The following ZNF839 variants were observed in gnomAD, a reference collection of about 807,000 sequenced individuals.
ZNF839 encodes the protein zinc finger protein 839, also known as renal carcinoma antigen NY-REN-50.
In ZNF839, 38 loss-of-function variants were observed where a neutral mutation model predicts 56.4. The observed-to-expected ratio is 0.67, with a 90% CI of 0.52 to 0.88. The LOEUF is 0.88. ZNF839 is among the 40% of genes least tolerant of loss of function. ZNF839 has a pLI of 0.00. For synonymous variants in ZNF839, 486 were observed against 493.5 expected (o/e 0.98, Z 0.20); for missense variants, 1,091 against 1,177.6 (o/e 0.93, Z 1.08).
Position 102,319,755 on chromosome 14 carries a change from C to A in ZNF839, c.-11C>A, listed in dbSNP as rs984138503. The A allele has an allele frequency of 5.5e-5, 68 of 1,229,358 alleles. No homozygotes were observed. Among genetic ancestry groups the A allele is most frequent in the Non-Finnish European group, 6.5e-5 (64 of 986,124 alleles). The allele number at this position is 1,229,358 out of a possible 1,614,324, so 76.2% of individuals were successfully genotyped here. A position where few individuals can be genotyped will look rare whatever the true frequency, so the allele number is the denominator to read the frequency against. ...TCAGCGACCCGGGTTCGAGTCCCCGCCTCGGCCGCCATGGCGGATGCGGAG... is the reference window on the plus strand; with the variant it reads ...TCAGCGACCCGGGTTCGAGTCCCCGACTCGGCCGCCATGGCGGATGCGGAG... On this transcript the variant is annotated 5_prime_UTR_variant, in exon 1 of 8. Transcript: ENST00000442396. The surrounding 1 kb of genome is among the most constrained non-coding windows in gnomAD (Gnocchi z 4.5).
rs149544100 is a variant in ZNF839 at position 102,320,378 on chromosome 14, C to G, written c.288+325C>G. Among the ~76,000 whole-genome samples, 15 of 152,296 alleles carry G rather than the reference C, an allele frequency of 9.8e-5. No individual in the cohort carries two copies. In the East Asian group the frequency reaches 2.5e-3, roughly 25 times the overall value. On this transcript the variant is annotated intron_variant, in intron 1 of 7. Coordinates refer to ENST00000442396, the MANE Select transcript of ZNF839 (RefSeq NM_018335.6). ...ACAGGCCTTTCACCGCTGGTTCAGC[C>G]TTTGTGGAGCACTTAGAGACCGTGT...
chr14:102,335,714 C>CT lies in ZNF839; in HGVS notation c.1541dup (p.Ala516SerfsTer4), dbSNP rs760216872. On this transcript the variant is annotated frameshift_variant, in exon 5 of 8. Coordinates refer to ENST00000442396, the MANE Select transcript of ZNF839 (RefSeq NM_018335.6). LOFTEE classifies it high-confidence loss of function. ...GTTGAAAAAGATCATCTAGCAAAGC[C>CT]TTTTTTCCCAGCTATATATAAGGAA... 1.3e-6 allele frequency: 2 copies of CT among 1,597,190 alleles called. No homozygotes were observed. The highest frequency in any genetic ancestry group is 1.7e-6 in the Non-Finnish European group (2 of 1,178,866).
chr14:102,334,153 T>C (rs1348893225), intron 3 of ZNF839, among the ~76,000 whole-genome samples: 1 of 152,238 alleles, frequency 6.6e-6, no homozygotes, highest in Non-Finnish European at 1.5e-5. Context: ...AATCCAAACC[T>C]TGGCCCCTCT....
At chr14:102,333,302 A>C in intron 3 of ZNF839, among the ~76,000 whole-genome samples, 1 of 134,020 alleles carries the variant, frequency 7.5e-6, no homozygotes, top group East Asian at 2.1e-4. Context: ...TCATTCTGTC[A>C]CCCAGGAGCG....
chr14:102,342,197 G>A lies in ZNF839; in HGVS notation c.*18G>A. ...CCCGCTAGAAGGAGTTCCTCTAGAA[G>A]CTGTGGAGTCGGTCGTCACCGTGGA... On this transcript the variant is annotated 3_prime_UTR_variant, in exon 8 of 8. Transcript: ENST00000442396. 1 of 1,585,626 alleles carries A rather than the reference G, an allele frequency of 6.3e-7. No individual in the cohort carries two copies. The highest frequency in any genetic ancestry group is 1.1e-5 in the South Asian group (1 of 88,904).
chr14:102,326,551 A>C lies in ZNF839; in HGVS notation c.855A>C (p.Glu285Asp). 6.2e-7 allele frequency: 1 copy of C among 1,613,932 alleles called. No homozygotes were observed. The highest frequency in any genetic ancestry group is 8.5e-7 in the Non-Finnish European group (1 of 1,179,872). Residue 285 changes from glutamate (E) to aspartate (D), a missense_variant, in exon 2 of 8, where the codon GAA (glutamate) becomes GAC (aspartate). By Grantham distance (45) the Glu-to-Asp change is conservative (BLOSUM62 2). This residue lies in a region of ZNF839 where 614 missense variants were observed against 629.2 expected (regional missense o/e 0.98). Coordinates refer to ENST00000442396, the MANE Select transcript of ZNF839 (RefSeq NM_018335.6). This position sits in a 1 kb window ranked among gnomAD's most constrained non-coding sequence, Gnocchi z 4.3. ...TGTCAGATTCTGATGATTACTCAGA[A>C]CTCTGTGTGGAAGAAGATGAAGATC... ...GHLSDSDDYS[E>D]LCVEEDEDQR...
At position 102,341,487 on chromosome 14, in the gene ZNF839, C is replaced by A. The variant is rs35472059; in HGVS notation, c.2092C>A (p.Arg698=). 1 of 1,597,566 alleles carries A rather than the reference C, an allele frequency of 6.3e-7. No individual in the cohort carries two copies. Among genetic ancestry groups the A allele is most frequent in the African/African-American group, 1.3e-5 (1 of 74,644 alleles). ...RGSIGAALSS[R]DVSGLPVYAQ... The stretch of plus-strand genomic sequence containing the variant: ...GTCTATAGGTGCTGCTCTCTCATCC[C>A]GGGATGTCAGTGGGCTGCCTGTTTA... The change falls in exon 8 of 8, where the codon CGG becomes AGG. Residue 698 remains arginine, a synonymous_variant. Coordinates refer to ENST00000442396, the MANE Select transcript of ZNF839 (RefSeq NM_018335.6).
chr14:102,342,157 G>A lies in ZNF839; in HGVS notation c.2762G>A (p.Arg921His), dbSNP rs772490173. The change falls in exon 8 of 8, where the codon CGT becomes CAT. Residue 921 changes from arginine to histidine, a missense_variant. Transcript: ENST00000442396. The stretch of plus-strand genomic sequence containing the variant: ...GTCACAGTGACTGATGCAGAGGGGC[G>A]TGCCTGCGGATGGGCCCGCTAGAAG... ...DIVTVTDAEGRACGWAR is the reference protein window; with the variant it reads ...DIVTVTDAEGHACGWAR 2.7e-5 allele frequency: 43 copies of A among 1,609,630 alleles called. No homozygotes were observed. Among genetic ancestry groups the A allele is most frequent in the East Asian group, 8.9e-5 (4 of 44,764 alleles).
intron 2 of ZNF839, among the ~76,000 whole-genome samples, chr14:102,328,797 A>G (rs2139511047): frequency 6.6e-6 from 1 of 152,152 alleles, no homozygotes; most frequent in East Asian, 1.9e-4. Flanking sequence ...ATGTTGTAGT[A>G]AGTGTCAGAA....
Position 102,331,636 on chromosome 14 carries a change from A to G in ZNF839, c.1206A>G (p.Val402=), listed in dbSNP as rs778399303. ...ACACTGTCTAGAATGGTCAGTCTGT[A>G]GACGTTGAAGAGACATTGCCATCTG... ...ARGGLQNGQS[V]DVEETLPSEP... is the part of the protein sequence containing the mutation. Residue 402 remains valine, a synonymous_variant, in exon 3 of 8, where the codon GTA becomes GTG. Coordinates refer to ENST00000442396, the MANE Select transcript of ZNF839 (RefSeq NM_018335.6). 3 of 1,611,100 alleles carry G rather than the reference A, an allele frequency of 1.9e-6. No individual in the cohort carries two copies.
chr14:102,341,254 G>A, intron 7 of ZNF839, 69 bp from the exon 8 acceptor site: 1 of 1,432,762 alleles, frequency 7.0e-7, no homozygotes, highest in Non-Finnish European at 9.2e-7. Context: ...GCTGGTTTTG[G>A]GTGGTGAGTG....
chr14:102,320,093 AG>A lies in ZNF839; in HGVS notation c.288+45del, dbSNP rs532940527. 3.3e-3 allele frequency: 3,819 copies of A among 1,158,780 alleles called. 19 individuals carry two copies. The highest frequency in any genetic ancestry group is 7.4e-3 in the Admixed American group (157 of 21,304). 71.8% of individuals were successfully genotyped at this position (1,158,780 alleles called of 1,614,324 possible). ...GGGACGTGGGGAAACTGAGGCCCGA[AG>A]GGGGCCGACGCCCCGCGGCGGGGTA... On this transcript the variant is annotated intron_variant, in intron 1 of 7. Transcript: ENST00000442396.
chr14:102,328,375 A>AAATATATATATAT (rs1197718891), intron 2 of ZNF839, among the ~76,000 whole-genome samples: 4 of 16,342 alleles, frequency 2.4e-4, no homozygotes, highest in African/African-American at 4.9e-4. Context: ...AAAAAAAAAA[A>AAATATATATATAT]ATATATATAT....
At chr14:102,320,189 G>T in intron 1 of ZNF839, 136 bp downstream of exon 1, 1 of 1,045,334 alleles carries the variant, frequency 9.6e-7, no homozygotes, top group Non-Finnish European at 1.2e-6. Context: ...GAGCTTCTTA[G>T]GGACGGCGTT....
rs1407588130 is a variant in ZNF839 at position 102,342,163 on chromosome 14, G to A, written c.2768G>A (p.Cys923Tyr). 1 of 1,608,066 alleles carries A rather than the reference G, an allele frequency of 6.2e-7. No homozygotes were observed. ...GTGACTGATGCAGAGGGGCGTGCCTGCGGATGGGCCCGCTAGAAGGAGTTC... is the reference window on the plus strand; with the variant it reads ...GTGACTGATGCAGAGGGGCGTGCCTACGGATGGGCCCGCTAGAAGGAGTTC... ...VTVTDAEGRA[C>Y]GWAR Residue 923 changes from cysteine (C) to tyrosine (Y), a missense_variant, in exon 8 of 8, where the codon TGC becomes TAC. Transcript: ENST00000442396.
At chr14:102,338,172 A>G (rs186219342) in intron 5 of ZNF839, among the ~76,000 whole-genome samples, 1 of 152,354 alleles carries the variant, frequency 6.6e-6, no homozygotes, top group East Asian at 1.9e-4. Context: ...GTGGGAAAGA[A>G]AGTTACTATG....
chr14:102,334,712 T>TTCTAA, intron 4 of ZNF839, 66 bp downstream of exon 4: 1 of 848,740 alleles, frequency 1.2e-6, no homozygotes, highest in Non-Finnish European at 1.7e-6. Context: ...ATAATATTAT[T>TTCTAA]ATTTATTAAT....
chr14:102,334,435 T>C, intron 3 of ZNF839, 119 bp from the exon 4 acceptor site: 1 of 688,880 alleles, frequency 1.5e-6, no homozygotes, highest in Non-Finnish European at 2.6e-6. Context: ...TTAGAGTTAC[T>C]TGGTCACTGA....
intron 1 of ZNF839, among the ~76,000 whole-genome samples, chr14:102,320,359 C>G (rs2073063777): frequency 6.6e-6 from 1 of 152,208 alleles, no homozygotes; most frequent in Non-Finnish European, 1.5e-5. Flanking sequence ...TCTTACAGGC[C>G]TTTCACCGCT....
Sources: allele counts gnomAD v4.1 joint callset (sites outside exome capture counted in the v4.1 genomes callset), GRCh38; gene constraint gnomAD v4.1.1; regional missense constraint gnomAD v4.1.1; non-coding constraint Gnocchi (gnomAD v3.1); transcripts MANE v1.5; gene names NCBI Gene and HGNC (gene_info 2026-07-23, HGNC 2026-07-21).